Variants in SCN7A observed in about 807,000 individuals in gnomAD.
SCN7A encodes the protein sodium channel protein type 7 subunit alpha.
A neutral mutation model predicts 155.2 loss-of-function variants in SCN7A; 138 were observed. That is an observed-to-expected ratio of 0.89 (90% confidence interval 0.77 to 1.02). The LOEUF is 1.02. Among genes scored for constraint, SCN7A ranks in the 50% least tolerant of loss-of-function variants. The pLI, the probability that SCN7A is intolerant of heterozygous loss-of-function variation, is 0.00. For synonymous variants in SCN7A, 693 were observed against 649.0 expected (o/e 1.07, Z -1.03); for missense variants, 2,058 against 1,986.6 (o/e 1.04, Z -0.68).
At chr2:166,457,468 A>C (rs1243379112) in intron 10 of SCN7A, among the ~76,000 whole-genome samples, 1 of 151,254 alleles carries the variant, frequency 6.6e-6, no homozygotes, top group African/African-American at 2.4e-5. Context: ...TATGAAGTTT[A>C]ATGAAGTCAG....
intron 21 of SCN7A, among the ~76,000 whole-genome samples, chr2:166,415,699 C>CT (rs1284497392): frequency 6.6e-6 from 1 of 152,136 alleles, no homozygotes; most frequent in Non-Finnish European, 1.5e-5. Context: ...TTACTTTGAT[C>CT]TCTTAATCCT....
rs1559100283 is a variant in SCN7A at position 166,432,638 on chromosome 2, C to CT, written c.2271dup (p.Gly758ArgfsTer8). Reference sequence around the variant, plus strand: ...ATTTTAAGAAGCACATAGTTTATTCCTTTTTTAATTCTTGCCACTGCAAGC... The same window carrying CT: ...ATTTTAAGAAGCACATAGTTTATTCCTTTTTTTAATTCTTGCCACTGCAAGC... On this transcript the variant is annotated frameshift_variant, in exon 16 of 26. Coordinates refer to ENST00000643258, the MANE Select transcript of SCN7A (RefSeq NM_002976.4). LOFTEE classifies it high-confidence loss of function. The CT allele has an allele frequency of 3.7e-6, 6 of 1,610,994 alleles. No homozygotes were observed. The highest frequency in any genetic ancestry group is 1.7e-5 in the Admixed American group (1 of 59,472).
At chr2:166,434,193 G>T (rs1441182197) in intron 15 of SCN7A, among the ~76,000 whole-genome samples, 1 of 152,016 alleles carries the variant, frequency 6.6e-6, no homozygotes, top group African/African-American at 2.4e-5. Flanking sequence ...GGATAATAGT[G>T]TTTAATCCTA....
Position 166,410,226 on chromosome 2 carries a change from G to T in SCN7A, c.3705C>A (p.Arg1235=). 1 of 1,546,060 alleles carries T rather than the reference G, an allele frequency of 6.5e-7. No individual in the cohort carries two copies. The highest frequency in any genetic ancestry group is 8.8e-7 in the Non-Finnish European group (1 of 1,142,828). The change falls in exon 24 of 26, where the codon CGC becomes CGA. Residue 1235 remains arginine (R), a synonymous_variant. Coordinates refer to ENST00000643258, the MANE Select transcript of SCN7A (RefSeq NM_002976.4). ...AATCTAGACATTTTCTTACTAATGG[G>T]CGAGGTACTGGTCTTTGAGAATCCT... ...MYEDSQRPVP[R]PLNKLQGFIF...
intron 25 of SCN7A, among the ~76,000 whole-genome samples, chr2:166,408,468 G>T (rs1406275): frequency 0.65 from 98,516 of 151,804 alleles, 32,117 homozygotes; most frequent in African/African-American, 0.71. Flanking sequence ...TTCTGAAACT[G>T]CAAATTCAAA....
intron 23 of SCN7A, among the ~76,000 whole-genome samples, chr2:166,411,424 A>G (rs943339336): frequency 1.3e-5 from 2 of 151,842 alleles, no homozygotes; most frequent in Admixed American, 6.6e-5. Flanking sequence ...TATAATTAAT[A>G]ATAACCCCCA....
At chr2:166,480,254 T>G (rs1426740859) in intron 2 of SCN7A, among the ~76,000 whole-genome samples, 1 of 152,036 alleles carries the variant, frequency 6.6e-6, no homozygotes, top group East Asian at 1.9e-4. Flanking sequence ...TCTGGAGATC[T>G]AGACCATCCT....
At chr2:166,492,108 C>G (rs1683126611) in intron 1 of SCN7A, among the ~76,000 whole-genome samples, 1 of 152,084 alleles carries the variant, frequency 6.6e-6, no homozygotes, top group Non-Finnish European at 1.5e-5. Context: ...ACCAAACCAT[C>G]TACCACACGA....
At chr2:166,473,975 T>C in intron 4 of SCN7A, 87 bp from the exon 5 acceptor site, 1 of 693,954 alleles carries the variant, frequency 1.4e-6, no homozygotes, top group East Asian at 3.1e-5. Flanking sequence ...TGTTGAAAAA[T>C]ATTAATCTTA....
rs776652209 is a variant in SCN7A at position 166,474,287 on chromosome 2, A to G, written c.292T>C (p.Leu98=). 3 of 1,530,722 alleles carry G rather than the reference A, an allele frequency of 2.0e-6. No homozygotes were observed. In the South Asian group the frequency reaches 3.7e-5, roughly 19 times the overall value. The allele number at this position is 1,530,722 out of a possible 1,614,324, so 94.8% of individuals were successfully genotyped here. The change falls in exon 4 of 26, where the codon TTG becomes CTG. Residue 98 remains leucine (L), a synonymous_variant. Coordinates refer to ENST00000643258, the MANE Select transcript of SCN7A (RefSeq NM_002976.4). ...TIFRFNAASI[L]CTLSPFNCIR... ...CAATTGAAAGGAGACAATGTACACA[A>G]GATGGAAGCCGCATTGAATCTGAAG...
chr2:166,469,932 C>T (rs143555026), intron 7 of SCN7A, among the ~76,000 whole-genome samples: 83 of 152,012 alleles, frequency 5.5e-4, no homozygotes, highest in African/African-American at 1.9e-3. Flanking sequence ...TATTATATTC[C>T]TCCTTTGTTT....
chr2:166,464,306 G>A (rs1702480695), intron 9 of SCN7A, among the ~76,000 whole-genome samples: 2 of 151,842 alleles, frequency 1.3e-5, no homozygotes, highest in Admixed American at 1.3e-4. Flanking sequence ...TCCTCCCCCA[G>A]AAGCCTTTTG....
intron 2 of SCN7A, among the ~76,000 whole-genome samples, chr2:166,482,024 C>G (rs1369448971): frequency 2.0e-5 from 3 of 152,076 alleles, no homozygotes; most frequent in Non-Finnish European, 2.9e-5. Context: ...CCTTTACAGG[C>G]AGTGGGATGA....
chr2:166,412,790 T>G (rs886460805), intron 22 of SCN7A, 123 bp from the exon 23 acceptor site: 2 of 1,349,952 alleles, frequency 1.5e-6, no homozygotes, highest in Admixed American at 3.6e-5. Flanking sequence ...AACTGTTTTC[T>G]TTTTTGCTGT....
chr2:166,413,943 T>C (rs1701257103), intron 21 of SCN7A, among the ~76,000 whole-genome samples: 1 of 112,712 alleles, frequency 8.9e-6, no homozygotes, highest in East Asian at 2.3e-4. Flanking sequence ...TGTAAGTTAA[T>C]ACTTAATAAA....
chr2:166,419,032 G>A (rs1701451563), intron 20 of SCN7A, among the ~76,000 whole-genome samples: 1 of 152,088 alleles, frequency 6.6e-6, no homozygotes, highest in African/African-American at 2.4e-5. Flanking sequence ...TGAATGTACA[G>A]CATTAAATGG....
At chr2:166,450,145 T>C (rs142352368) in intron 11 of SCN7A, among the ~76,000 whole-genome samples, 16 of 152,326 alleles carry the variant, frequency 1.1e-4, no homozygotes, top group Admixed American at 2.0e-4. Context: ...AACAAAATCA[T>C]GTCCTTTGCA....
At chr2:166,423,150 T>A in intron 19 of SCN7A, 109 bp downstream of exon 19, 1 of 1,057,872 alleles carries the variant, frequency 9.5e-7, no homozygotes, top group Non-Finnish European at 1.4e-6. Context: ...ACCAACAATG[T>A]AGAGAGAGAG....
In SCN7A at chr2:166,473,856, A is replaced by C; in HGVS notation, c.386T>G (p.Leu129Arg). ...CAGGGACATGAATACGCAATCAATC[A>C]GGACACTAATTAGAATAAACAGTTG... ...FFQLFILISV[L>R]IDCVFMSLTN... The change falls in exon 5 of 26, where the codon CTG (leucine) becomes CGG (arginine). Residue 129 changes from leucine (L) to arginine (R), a missense_variant. Coordinates refer to ENST00000643258, the MANE Select transcript of SCN7A (RefSeq NM_002976.4). 1.9e-6 allele frequency: 3 copies of C among 1,568,240 alleles called. No homozygotes were observed. Among genetic ancestry groups the C allele is most frequent in the South Asian group, 2.4e-5 (2 of 84,076 alleles).
Sources: allele counts gnomAD v4.1 joint callset (sites outside exome capture counted in the v4.1 genomes callset), GRCh38; gene constraint gnomAD v4.1.1; transcripts MANE v1.5; gene names NCBI Gene and HGNC (gene_info 2026-07-23, HGNC 2026-07-21).